The following ZNF214 variants were observed in gnomAD, a reference collection of about 807,000 sequenced individuals.
ZNF214 encodes zinc finger protein 214.
ZNF214 carries 43 observed loss-of-function variants against 53.9 expected under a neutral mutation model. The ratio of observed to expected loss-of-function variants is 0.80; its 90% CI spans 0.63 to 1.03. The LOEUF (loss-of-function observed/expected upper bound fraction) is 1.03. Ranked by LOEUF, ZNF214 falls within the 50% of genes least tolerant of loss-of-function variation. The probability of loss-of-function intolerance (pLI) is 0.00; values close to 1 mark genes in which losing one functional copy is unlikely to be tolerated. For synonymous variants in ZNF214, 217 were observed against 229.5 expected (o/e 0.95, Z 0.49); for missense variants, 724 against 719.1 (o/e 1.01, Z -0.08).
chr11:7,018,736 A>G (rs1375844967), intron 1 of ZNF214, among the ~76,000 whole-genome samples: 4 of 152,070 alleles, frequency 2.6e-5, no homozygotes, highest in Non-Finnish European at 5.9e-5. Context: ...TCCTGACCTC[A>G]AGTGATCCGC....
At chr11:7,015,690 A>G (rs1214159052) in intron 1 of ZNF214, 6 of 152,088 alleles carry the variant, frequency 3.9e-5, no homozygotes, top group African/African-American at 9.7e-5. Flanking sequence ...ACTTATCTCT[A>G]TTTTCAAGCA....
Position 7,020,245 on chromosome 11 carries a change from G to C in ZNF214, c.-193C>G, listed in dbSNP as rs924797877. 1 of 152,338 alleles carries C rather than the reference G, an allele frequency of 6.6e-6. No individual in the cohort carries two copies. The highest frequency in any genetic ancestry group is 2.4e-5 in the African/African-American group (1 of 41,434). 9.4% of individuals were successfully genotyped at this position (152,338 alleles called of 1,614,324 possible). ...CGCTTCTGGCTCAGTCCTCCTGAGA[G>C]TTCATGTCACTTAACGGAGCCTGTG... On this transcript the variant is annotated 5_prime_UTR_variant, in exon 1 of 3. Coordinates refer to ENST00000278314, the MANE Select transcript of ZNF214 (RefSeq NM_013249.4).
In ZNF214 at chr11:7,001,366, C is replaced by A; in HGVS notation, c.317G>T (p.Trp106Leu). The A allele has an allele frequency of 6.2e-7, 1 of 1,613,152 alleles. No homozygotes were observed. Residue 106 changes from tryptophan to leucine, a missense_variant, in exon 3 of 3, where the codon TGG (tryptophan) becomes TTG (leucine). Trp to Leu is a moderately conservative substitution (Grantham distance 61). Coordinates refer to ENST00000278314, the MANE Select transcript of ZNF214 (RefSeq NM_013249.4). ...TGGTACTTGTGTGGAGAGTATTAAC[C>A]ATTCCTGACACTGGGAACGATCTTG... is the stretch of plus-strand genomic sequence containing the variant. ...TQQDRSQCQE[W>L]LILSTQVPGY... is the part of the protein sequence containing the mutation.
rs746564295 is a variant in ZNF214, at chr11:6,999,920, T to G, written c.1763A>C (p.Tyr588Ser). The change falls in exon 3 of 3, where the codon TAT becomes TCT. Residue 588 changes from tyrosine (Y) to serine (S), a missense_variant. Tyr to Ser is a moderately radical substitution (Grantham distance 144, BLOSUM62 -2). Coordinates refer to ENST00000278314, the MANE Select transcript of ZNF214 (RefSeq NM_013249.4). ...GEKPYKCREY[Y>S]KGFDHNSHLH... ...ATGTGAATTATGATCAAATCCCTTA[T>G]AATATTCACGGCATTTGTAAGGTTT... The G allele has an allele frequency of 1.2e-6, 2 of 1,612,630 alleles. No homozygotes were observed. The highest frequency in any genetic ancestry group is 1.3e-5 in the African/African-American group (1 of 74,958).
rs768386012 is a variant in ZNF214 at position 7,000,622 on chromosome 11, C to A, written c.1061G>T (p.Gly354Val). ...CTGATTACATTTAAAAGGCTTCTCT[C>A]CTATGTGAAGTCTCTGGTGAATGTG... Reference protein sequence around the residue: ...LLHIHQRLHIGEKPFKCNQCG... With the variant: ...LLHIHQRLHIVEKPFKCNQCG... Residue 354 changes from glycine (G) to valine (V), a missense_variant, in exon 3 of 3, where the codon GGA becomes GTA. By Grantham distance (109) the Gly-to-Val change is moderately radical. Transcript: ENST00000278314. 7 of 1,604,786 alleles carry A rather than the reference C, an allele frequency of 4.4e-6. No homozygotes were observed. The highest frequency in any genetic ancestry group is 5.9e-6 in the Non-Finnish European group (7 of 1,176,874).
In ZNF214 at chr11:7,002,690, T is replaced by G. The variant is rs1274868558; in HGVS notation, c.127+19A>C. The G allele has an allele frequency of 6.3e-7, 1 of 1,578,632 alleles. No individual in the cohort carries two copies. On this transcript the variant is annotated intron_variant, in intron 2 of 2. Coordinates refer to ENST00000278314, the MANE Select transcript of ZNF214 (RefSeq NM_013249.4). ...CTCCTAGAAGAAACTCTATTCCCTA[T>G]GAGACGGGATAACTTTACCTACTGA...
At chr11:7,002,638 A>T (rs968220515) in intron 2 of ZNF214, 71 bp downstream of exon 2, 142 of 1,447,602 alleles carry the variant, frequency 9.8e-5, no homozygotes, top group Non-Finnish European at 1.3e-4. Flanking sequence ...ACACCCAGAT[A>T]AAAAAACAAA....
intron 1 of ZNF214, among the ~76,000 whole-genome samples, chr11:7,012,083 G>A (rs1398975541): frequency 6.6e-6 from 1 of 152,124 alleles, no homozygotes; most frequent in African/African-American, 2.4e-5. Context: ...GACAAGGAAG[G>A]AAATAAGTTG....
At chr11:7,013,861 A>C (rs1027465424) in intron 1 of ZNF214, among the ~76,000 whole-genome samples, 1 of 152,232 alleles carries the variant, frequency 6.6e-6, no homozygotes, top group African/African-American at 2.4e-5. Flanking sequence ...AAATTAGGAA[A>C]GCTATTAACT....
At chr11:7,007,283 C>T (rs373012058) in intron 1 of ZNF214, among the ~76,000 whole-genome samples, 1 of 148,784 alleles carries the variant, frequency 6.7e-6, no homozygotes, top group South Asian at 2.1e-4. Flanking sequence ...ACTTGCTCCA[C>T]GGGAAAACAG....
intron 2 of ZNF214, among the ~76,000 whole-genome samples, chr11:7,002,172 T>G (rs1851370193): frequency 6.6e-6 from 1 of 151,914 alleles, no homozygotes; most frequent in Non-Finnish European, 1.5e-5. Flanking sequence ...TGTGCTTGGG[T>G]TGGCTTGTTT....
chr11:7,000,616 T>C lies in ZNF214; in HGVS notation c.1067A>G (p.Lys356Arg). ...HIHQRLHIGE[K>R]PFKCNQCGKS... The stretch of plus-strand genomic sequence containing the variant: ...ACCACACTGATTACATTTAAAAGGC[T>C]TCTCTCCTATGTGAAGTCTCTGGTG... The change falls in exon 3 of 3, where the codon AAG becomes AGG. Residue 356 changes from lysine (K) to arginine (R), a missense_variant. Physicochemically the swap from Lys to Arg is conservative, Grantham distance 26. Transcript: ENST00000278314. 2 of 1,606,344 alleles carry C rather than the reference T, an allele frequency of 1.2e-6. No individual in the cohort carries two copies. The highest frequency in any genetic ancestry group is 8.5e-7 in the Non-Finnish European group (1 of 1,177,296).
chr11:6,998,969 GCA>G lies in ZNF214; in HGVS notation c.*891_*892del, dbSNP rs1244361471. On this transcript the variant is annotated 3_prime_UTR_variant, in exon 3 of 3. Transcript: ENST00000278314. ...ATAATTAGCTTCAGGGTTCATCGTT[GCA>G]CAGAGTTCTGAGTTCAATGCTGTCC... 1.3e-5 allele frequency among the ~76,000 whole-genome samples: 2 copies of G among 151,944 alleles called. No individual in the cohort carries two copies. The highest frequency in any genetic ancestry group is 2.9e-5 in the Non-Finnish European group (2 of 67,894).
chr11:7,008,469 A>G (rs1295736151), intron 1 of ZNF214, among the ~76,000 whole-genome samples: 1 of 151,996 alleles, frequency 6.6e-6, no homozygotes, highest in Non-Finnish European at 1.5e-5. Context: ...AACCCCAGCT[A>G]GACTAACATC....
At chr11:7,006,607 A>G (rs1851477904) in intron 1 of ZNF214, among the ~76,000 whole-genome samples, 1 of 152,042 alleles carries the variant, frequency 6.6e-6, no homozygotes, top group Non-Finnish European at 1.5e-5. Flanking sequence ...TCTCTTGTAA[A>G]GAGCACAGAG....
chr11:7,001,584 T>G, intron 2 of ZNF214, 29 bp from the exon 3 acceptor site: 1 of 1,556,890 alleles, frequency 6.4e-7, no homozygotes, highest in Non-Finnish European at 8.6e-7. Flanking sequence ...AATCCCATGG[T>G]GAGATAAAAG....
chr11:7,009,055 A>T (rs6578818), intron 1 of ZNF214, among the ~76,000 whole-genome samples: 138,484 of 151,928 alleles, frequency 0.91, 63,830 homozygotes, highest in East Asian at 1. Context: ...AATGACATTC[A>T]TCACTGAATT....
chr11:7,006,994 C>CA (rs546491000), intron 1 of ZNF214, among the ~76,000 whole-genome samples: 188 of 151,594 alleles, frequency 1.2e-3, no homozygotes, highest in African/African-American at 4.2e-3. Context: ...AAACTAACAA[C>CA]AAAAGAAATA....
chr11:6,999,146 T>G lies in ZNF214; in HGVS notation c.*716A>C, dbSNP rs1851254922. Among the ~76,000 whole-genome samples the G allele has an allele frequency of 6.6e-6, 1 of 151,876 alleles. No homozygotes were observed. On this transcript the variant is annotated 3_prime_UTR_variant, in exon 3 of 3. Transcript: ENST00000278314. ...ACCTTAGAGAAAATTCTGTACTTCT[T>G]GTTGTTTGGTATCTGAACCTATTAT...
Sources: allele counts gnomAD v4.1 joint callset (sites outside exome capture counted in the v4.1 genomes callset), GRCh38; gene constraint gnomAD v4.1.1; transcripts MANE v1.5; gene names NCBI Gene and HGNC (gene_info 2026-07-23, HGNC 2026-07-21).